Variants in TTC7B observed in about 807,000 individuals in gnomAD.
TTC7B encodes tetratricopeptide repeat domain 7B, also known as tetratricopeptide repeat protein 7B.
In TTC7B, 28 loss-of-function variants were observed where a neutral mutation model predicts 106.8. The observed-to-expected ratio is 0.26, with a 90% CI of 0.19 to 0.36. The LOEUF (loss-of-function observed/expected upper bound fraction) is 0.36, where lower values mean the gene tolerates loss of function less well. Ranked by LOEUF, TTC7B falls within the 10% of genes least tolerant of loss-of-function variation. The pLI is 1.00. For synonymous variants in TTC7B, 405 were observed against 430.6 expected, an observed-to-expected ratio of 0.94 and a Z score of 0.74; for missense variants, 862 against 1,076.4, an observed-to-expected ratio of 0.80 and a Z score of 2.79.
chr14:90,680,940 C>T (rs1887026540), intron 7 of TTC7B, among the ~76,000 whole-genome samples: 1 of 152,160 alleles, frequency 6.6e-6, no homozygotes, highest in Admixed American at 6.5e-5. Context: ...ACTGGCATAT[C>T]TTATACTGTC....
intron 3 of TTC7B, among the ~76,000 whole-genome samples, chr14:90,769,280 G>A (rs768473189): frequency 6.6e-6 from 1 of 152,078 alleles, no homozygotes; most frequent in East Asian, 1.9e-4. Flanking sequence ...AAGCTATAAG[G>A]CATGTAGAAA....
At chr14:90,645,990 C>A (rs955595411) in intron 14 of TTC7B, among the ~76,000 whole-genome samples, 1 of 152,112 alleles carries the variant, frequency 6.6e-6, no homozygotes, top group South Asian at 2.1e-4. Flanking sequence ...AAGCTGTCAG[C>A]GTAGGGGAGA....
intron 15 of TTC7B, among the ~76,000 whole-genome samples, chr14:90,632,808 T>C (rs1884758979): frequency 6.6e-6 from 1 of 152,184 alleles, no homozygotes; most frequent in African/African-American, 2.4e-5. Context: ...ATGAAAATAA[T>C]AACAAAACTA....
chr14:90,605,638 T>C (rs1454652459), intron 17 of TTC7B: 1 of 1,288,448 alleles, frequency 7.8e-7, no homozygotes, highest in African/African-American at 1.5e-5. Flanking sequence ...ACTGAATGAA[T>C]GAGCTGCAGG....
chr14:90,809,033 C>G (rs1016441346), intron 1 of TTC7B, among the ~76,000 whole-genome samples: 3 of 152,164 alleles, frequency 2.0e-5, no homozygotes, highest in Admixed American at 6.5e-5. Context: ...ACAGGAAGTC[C>G]AGAGAAGGGC....
chr14:90,688,917 TCTC>T (rs1273198993), intron 7 of TTC7B, among the ~76,000 whole-genome samples: 2 of 152,118 alleles, frequency 1.3e-5, no homozygotes, highest in African/African-American at 4.8e-5. Context: ...TCCCAGCCCT[TCTC>T]CTTGTCTCTC....
chr14:90,660,927 T>C (rs897901922), intron 9 of TTC7B, among the ~76,000 whole-genome samples: 1 of 152,202 alleles, frequency 6.6e-6, no homozygotes, highest in Non-Finnish European at 1.5e-5. Flanking sequence ...GCACGGGCAA[T>C]GTGTTCAGCT....
In TTC7B at chr14:90,608,682, T is replaced by C. The variant is rs1268672282; in HGVS notation, c.1966+2060A>G. Among the ~76,000 whole-genome samples, 1 of 152,140 alleles carries C rather than the reference T, an allele frequency of 6.6e-6. No individual in the cohort carries two copies. The highest frequency in any genetic ancestry group is 2.4e-5 in the African/African-American group (1 of 41,434). On this transcript the variant is annotated intron_variant, in intron 17 of 19. Transcript: ENST00000328459. This position sits in a 1 kb window ranked among gnomAD's most constrained non-coding sequence, Gnocchi z 5.1. ...CTGTGTCACACAGGCACATCTTCCC[T>C]AAACACCATGGCATCTGAGAAAGCT...
intron 5 of TTC7B, among the ~76,000 whole-genome samples, chr14:90,702,796 A>C (rs1305317014): frequency 2.0e-5 from 3 of 152,096 alleles, no homozygotes; most frequent in African/African-American, 7.2e-5. Context: ...CCTTGTGGTC[A>C]CCCTCCTGGG....
intron 5 of TTC7B, among the ~76,000 whole-genome samples, chr14:90,709,904 T>A (rs1201709544): frequency 6.8e-6 from 1 of 147,518 alleles, no homozygotes; most frequent in Non-Finnish European, 1.5e-5. Flanking sequence ...AAAAATTAAA[T>A]CTCTTCTAAT....
At position 90,553,480 on chromosome 14, in the gene TTC7B, C is replaced by T. The variant is rs886555350; in HGVS notation, c.2311-11891G>A. Among the ~76,000 whole-genome samples the T allele has an allele frequency of 5.3e-5, 8 of 152,340 alleles. No homozygotes were observed. The East Asian group carries it at 1.5e-3, about 29-fold the overall frequency. On this transcript the variant is annotated intron_variant, in intron 19 of 19. Transcript: ENST00000328459. ...CTGCTGCTGTCCCTCATGGGCAGCACCCCCTCCAGGGACCAGGAGCTTGTG... is the reference window on the plus strand; with the variant it reads ...CTGCTGCTGTCCCTCATGGGCAGCATCCCCTCCAGGGACCAGGAGCTTGTG...
At chr14:90,596,269 G>A (rs1298856177) in intron 17 of TTC7B, among the ~76,000 whole-genome samples, 1 of 152,066 alleles carries the variant, frequency 6.6e-6, no homozygotes, top group Non-Finnish European at 1.5e-5. Context: ...ACTTTTGGAG[G>A]GGCTAATTTT....
chr14:90,684,378 T>A (rs1887174115), intron 7 of TTC7B, among the ~76,000 whole-genome samples: 1 of 152,142 alleles, frequency 6.6e-6, no homozygotes, highest in African/African-American at 2.4e-5. Context: ...CACATATATA[T>A]ATACACATTA....
At chr14:90,722,978 C>T (rs1488364014) in intron 5 of TTC7B, among the ~76,000 whole-genome samples, 1 of 152,202 alleles carries the variant, frequency 6.6e-6, no homozygotes, top group Non-Finnish European at 1.5e-5. Flanking sequence ...TCATTCAATC[C>T]TGTGGCCTTA....
intron 9 of TTC7B, 129 bp from the exon 10 acceptor site, chr14:90,658,516 C>G: frequency 1.2e-6 from 1 of 848,820 alleles, no homozygotes; most frequent in Non-Finnish European, 1.9e-6. Flanking sequence ...ATGCTTAAAA[C>G]ATAATCCACC....
intron 9 of TTC7B, among the ~76,000 whole-genome samples, chr14:90,669,812 C>A (rs1279377193): frequency 2.0e-5 from 3 of 152,114 alleles, no homozygotes; most frequent in East Asian, 3.8e-4. Flanking sequence ...AAATTAGAAA[C>A]CTGTGTATTG....
chr14:90,637,413 C>CA (rs769126591), intron 15 of TTC7B, among the ~76,000 whole-genome samples: 2 of 142,918 alleles, frequency 1.4e-5, no homozygotes, highest in Admixed American at 1.4e-4. Context: ...AACCCCCCCC[C>CA]AGCCCCACAT....
intron 16 of TTC7B, among the ~76,000 whole-genome samples, chr14:90,614,496 T>C (rs1892991213): frequency 6.6e-6 from 1 of 152,200 alleles, no homozygotes; most frequent in Non-Finnish European, 1.5e-5. Context: ...ATGATGGAGA[T>C]GGGTCTAGTA....
chr14:90,650,639 G>C (rs1405085550), intron 13 of TTC7B, among the ~76,000 whole-genome samples: 1 of 152,198 alleles, frequency 6.6e-6, no homozygotes, highest in African/African-American at 2.4e-5. Flanking sequence ...GGAGCACCAG[G>C]CTTTATGCAT....
Sources: allele counts gnomAD v4.1 joint callset (sites outside exome capture counted in the v4.1 genomes callset), GRCh38; gene constraint gnomAD v4.1.1; non-coding constraint Gnocchi (gnomAD v3.1); transcripts MANE v1.5; gene names NCBI Gene and HGNC (gene_info 2026-07-23, HGNC 2026-07-21).